The following HPSE2 variants were observed in gnomAD, a reference collection of about 807,000 sequenced individuals.
HPSE2 encodes heparanase 2 (inactive), also known as inactive heparanase-2.
HPSE2 carries 38 observed loss-of-function variants against 60.5 expected under a neutral mutation model. The ratio of observed to expected loss-of-function variants is 0.63; its 90% CI spans 0.48 to 0.82. The LOEUF is 0.82. Among genes scored for constraint, HPSE2 ranks in the 40% least tolerant of loss-of-function variants. The pLI, the probability that HPSE2 is intolerant of heterozygous loss-of-function variation, is 0.00. For synonymous variants in HPSE2, 295 were observed against 293.2 expected, an observed-to-expected ratio of 1.01 and a Z score of -0.06; for missense variants, 713 against 740.4, an observed-to-expected ratio of 0.96 and a Z score of 0.43.
intron 11 of HPSE2, among the ~76,000 whole-genome samples, chr10:98,476,220 A>G (rs1258092082): frequency 1.1e-4 from 16 of 147,872 alleles, no homozygotes; most frequent in South Asian, 2.1e-4. Flanking sequence ...AACTAACACA[A>G]GGACAAAAAA....
chr10:98,759,915 C>A (rs1949967608), intron 3 of HPSE2, among the ~76,000 whole-genome samples: 1 of 151,880 alleles, frequency 6.6e-6, no homozygotes, highest in East Asian at 1.9e-4. Flanking sequence ...TATTTGAATT[C>A]ATAAACATGG....
intron 3 of HPSE2, among the ~76,000 whole-genome samples, chr10:98,780,723 G>A (rs1950446339): frequency 1.3e-5 from 2 of 152,092 alleles, no homozygotes; most frequent in Non-Finnish European, 2.9e-5. Flanking sequence ...AGGAAGTTGT[G>A]AGTAATAATA....
intron 3 of HPSE2, among the ~76,000 whole-genome samples, chr10:98,872,713 G>C (rs1408921311): frequency 1.3e-5 from 2 of 152,018 alleles, no homozygotes; most frequent in African/African-American, 2.4e-5. Context: ...TGCCATAGCT[G>C]ACTAGAATAT....
the HPSE2 span, among the ~76,000 whole-genome samples, chr10:99,280,859 T>G: frequency 2.0e-5 from 3 of 152,182 alleles, no homozygotes; most frequent in African/African-American, 4.8e-5. Flanking sequence ...ACTTTTTTTA[T>G]TCACTCACTC....
intron 3 of HPSE2, among the ~76,000 whole-genome samples, chr10:99,080,604 T>C (rs1348192698): frequency 6.6e-6 from 1 of 152,248 alleles, no homozygotes; most frequent in Non-Finnish European, 1.5e-5. Flanking sequence ...TCTACATGTT[T>C]CTGATTTAGT....
chr10:98,792,640 CA>C (rs60889251), intron 3 of HPSE2, among the ~76,000 whole-genome samples: 89,269 of 139,580 alleles, frequency 0.64, 28,309 homozygotes, highest in Middle Eastern at 0.75. Flanking sequence ...CAAATTCCTA[CA>C]AAAAAAAAAA....
At chr10:99,302,903 G>A in the HPSE2 span, among the ~76,000 whole-genome samples, 3 of 150,956 alleles carry the variant, frequency 2.0e-5, no homozygotes, top group African/African-American at 7.3e-5. Context: ...TTACTCAGAT[G>A]CCACTTTTCA....
Position 99,113,350 on chromosome 10 carries a change from C to T in HPSE2, c.610+30888G>A, listed in dbSNP as rs985275456. Among the ~76,000 whole-genome samples the T allele has an allele frequency of 4.6e-5, 7 of 152,154 alleles. No individual in the cohort carries two copies. In the East Asian group the frequency reaches 7.7e-4, roughly 17 times the overall value. Reference sequence around the variant, plus strand: ...TTAACCCCAAAGTTCCTGCTCATAACCATTCTTCTATGTTGCTTTTAGGAA... The same window carrying T: ...TTAACCCCAAAGTTCCTGCTCATAATCATTCTTCTATGTTGCTTTTAGGAA... On this transcript the variant is annotated intron_variant, in intron 3 of 11. Transcript: ENST00000370552.
At chr10:98,886,922 C>T (rs188184847) in intron 3 of HPSE2, among the ~76,000 whole-genome samples, 2 of 152,178 alleles carry the variant, frequency 1.3e-5, no homozygotes, top group East Asian at 3.9e-4. Context: ...GAGTTATATG[C>T]ATATGAAGAT....
At chr10:98,730,387 A>G (rs1293502427) in intron 4 of HPSE2, among the ~76,000 whole-genome samples, 2 of 152,184 alleles carry the variant, frequency 1.3e-5, no homozygotes, top group African/African-American at 4.8e-5. Context: ...CAAAGATCTC[A>G]AATCAATAAC....
intron 3 of HPSE2, among the ~76,000 whole-genome samples, chr10:99,132,224 AGAGAGAGAGAGAG>A (rs1845458128): frequency 7.1e-5 from 3 of 41,978 alleles, no homozygotes; most frequent in African/African-American, 8.9e-5. Context: ...AGAGAGAGAG[AGAGAGAGAGAGAG>A]AGAGAGAAAG....
At chr10:99,024,731 C>G (rs1019439318) in intron 3 of HPSE2, among the ~76,000 whole-genome samples, 4 of 152,068 alleles carry the variant, frequency 2.6e-5, no homozygotes, top group African/African-American at 4.8e-5. Flanking sequence ...TCAGTGGAAA[C>G]CTTACAGGCC....
At chr10:98,866,740 C>A (rs1437913687) in intron 3 of HPSE2, among the ~76,000 whole-genome samples, 6 of 151,374 alleles carry the variant, frequency 4.0e-5, no homozygotes, top group African/African-American at 1.5e-4. Context: ...CAAACAACAA[C>A]AAGAAAAAAC....
At chr10:99,039,018 A>AT (rs984400243) in intron 3 of HPSE2, among the ~76,000 whole-genome samples, 8 of 151,224 alleles carry the variant, frequency 5.3e-5, no homozygotes, top group African/African-American at 1.2e-4. Flanking sequence ...GCAACAATAC[A>AT]TTTTTTTTTA....
intron 3 of HPSE2, among the ~76,000 whole-genome samples, chr10:99,040,121 G>T (rs1202685737): frequency 2.6e-5 from 4 of 152,100 alleles, no homozygotes; most frequent in Non-Finnish European, 4.4e-5. Flanking sequence ...TAGAGGTCGG[G>T]TAATGCTACA....
intron 9 of HPSE2, among the ~76,000 whole-genome samples, chr10:98,531,506 G>C (rs1160832510): frequency 2.0e-5 from 3 of 152,152 alleles, no homozygotes; most frequent in Non-Finnish European, 4.4e-5. Context: ...TCTGGGCCTG[G>C]TATTCAAGCA....
chr10:98,982,423 AAC>A (rs763728984), intron 3 of HPSE2, among the ~76,000 whole-genome samples: 25 of 152,364 alleles, frequency 1.6e-4, no homozygotes, highest in Admixed American at 7.8e-4. Context: ...TAGGTTTTCT[AAC>A]ACAAGGTTCT....
intron 6 of HPSE2, among the ~76,000 whole-genome samples, chr10:98,656,426 A>C (rs1188607325): frequency 6.6e-6 from 1 of 152,168 alleles, no homozygotes; most frequent in Non-Finnish European, 1.5e-5. Context: ...CATGAGATTG[A>C]TAAATCATTG....
At chr10:98,792,911 T>C (rs1262453125) in intron 3 of HPSE2, among the ~76,000 whole-genome samples, 1 of 152,212 alleles carries the variant, frequency 6.6e-6, no homozygotes, top group Admixed American at 6.5e-5. Context: ...GGAACGTTGT[T>C]ACTTAGGGCC....
Sources: allele counts gnomAD v4.1 joint callset (sites outside exome capture counted in the v4.1 genomes callset), GRCh38; gene constraint gnomAD v4.1.1; transcripts MANE v1.5; gene names NCBI Gene and HGNC (gene_info 2026-07-23, HGNC 2026-07-21).